Variants in UPF2 observed in about 807,000 individuals in gnomAD.
UPF2 encodes the protein regulator of nonsense transcripts 2.
A neutral mutation model predicts 141.4 loss-of-function variants in UPF2; 17 were observed. The ratio of observed to expected loss-of-function variants is 0.12; its 90% CI spans 0.08 to 0.18. UPF2 has a LOEUF of 0.18. Among genes scored for constraint, UPF2 ranks in the 10% least tolerant of loss-of-function variants. The pLI is 1.00. For missense variants in UPF2, 1,152 were observed against 1,515.9 expected (o/e 0.76, Z 3.99); for synonymous variants, 540 against 498.0 (o/e 1.08, Z -1.12).
chr10:11,933,240 C>T lies in UPF2; in HGVS notation c.3547-1458G>A, dbSNP rs76729082. 4.6e-3 allele frequency among the ~76,000 whole-genome samples: 707 copies of T among 152,142 alleles called. 3 individuals are homozygous for T. Among genetic ancestry groups the T allele is most frequent in the African/African-American group, 0.016 (668 of 41,502 alleles). On this transcript the variant is annotated intron_variant, in intron 19 of 21. Transcript: ENST00000357604. Reference sequence around the variant, plus strand: ...AGACATTTCACATTTGTAGAAAAACCGTTGCACCAGAAGGGCCAACACCCA... The same window carrying T: ...AGACATTTCACATTTGTAGAAAAACTGTTGCACCAGAAGGGCCAACACCCA...
chr10:11,984,497 T>C (rs1314465726), intron 8 of UPF2, among the ~76,000 whole-genome samples: 1 of 152,196 alleles, frequency 6.6e-6, no homozygotes, highest in South Asian at 2.1e-4. Flanking sequence ...TCTTTTTCAA[T>C]GTATTTTTCA....
rs138619259 is a variant in UPF2, at chr10:12,018,486, T to C, written c.1146-4302A>G. On this transcript the variant is annotated intron_variant, in intron 3 of 21. Transcript: ENST00000357604. ...ATCCCAGCTACTCAGGAGGCTGAGG[T>C]AGGAGAATCACTTGAATCCGGGAGG... Among the ~76,000 whole-genome samples, 254 of 151,652 alleles carry C rather than the reference T, an allele frequency of 1.7e-3. 1 individual carries two copies. The highest frequency in any genetic ancestry group is 5.7e-3 in the African/African-American group (235 of 41,304).
intron 13 of UPF2, among the ~76,000 whole-genome samples, chr10:11,955,914 AGGTGATCACCTAC>A (rs1417704359): frequency 6.6e-6 from 1 of 152,272 alleles, no homozygotes; most frequent in African/African-American, 2.4e-5. Context: ...AGGCCAAGAC[AGGTGATCACCTAC>A]GGTCAGGAGT....
chr10:12,023,400 C>T (rs1834350800), intron 3 of UPF2, among the ~76,000 whole-genome samples: 1 of 150,926 alleles, frequency 6.6e-6, no homozygotes, highest in Non-Finnish European at 1.5e-5. Flanking sequence ...TTCGGCTGGG[C>T]ATGGTGGATC....
Position 11,921,196 on chromosome 10 carries a change from C to T in UPF2, c.*102G>A, listed in dbSNP as rs755078541. ...GGTTTAGATTCGCAACTCTCTAGACCGACCTGCTGAGATGTGTCCACTGCT... is the reference window on the plus strand; with the variant it reads ...GGTTTAGATTCGCAACTCTCTAGACTGACCTGCTGAGATGTGTCCACTGCT... On this transcript the variant is annotated 3_prime_UTR_variant, in exon 22 of 22. Transcript: ENST00000357604. This position sits in a 1 kb window ranked among gnomAD's most constrained non-coding sequence, Gnocchi z 5.9. 69 of 1,526,340 alleles carry T rather than the reference C, an allele frequency of 4.5e-5. No homozygotes were observed. Among genetic ancestry groups the T allele is most frequent in the South Asian group, 9.0e-5 (8 of 89,162 alleles). 94.5% of individuals were successfully genotyped at this position (1,526,340 alleles called of 1,614,324 possible).
rs1473386675 is a variant in UPF2, at chr10:11,940,004, G to T, written c.3378+2661C>A. 1.3e-5 allele frequency among the ~76,000 whole-genome samples: 2 copies of T among 152,120 alleles called. No individual in the cohort carries two copies. The highest frequency in any genetic ancestry group is 2.9e-5 in the Non-Finnish European group (2 of 68,022). On this transcript the variant is annotated intron_variant, in intron 18 of 21. Coordinates refer to ENST00000357604, the MANE Select transcript of UPF2 (RefSeq NM_015542.4). The surrounding 1 kb of genome is among the most constrained non-coding windows in gnomAD (Gnocchi z 4.2). ...TGTGATATAATTAGGATTATACTAA[G>T]TTTAAGGGCTTGATTTATGGAAAAA...
rs1295310483 is a variant in UPF2, at chr10:11,948,521, A to G, written c.3035-13T>C. On this transcript the variant is annotated splice_polypyrimidine_tract_variant and intron_variant, in intron 15 of 21. Coordinates refer to ENST00000357604, the MANE Select transcript of UPF2 (RefSeq NM_015542.4). Reference sequence around the variant, plus strand: ...TCATTTACTAGGCCTTGAAATGAGAAGGTGGAAATGGAAAAATACATTAAA... The same window carrying G: ...TCATTTACTAGGCCTTGAAATGAGAGGGTGGAAATGGAAAAATACATTAAA... The G allele has an allele frequency of 6.2e-7, 1 of 1,609,552 alleles. No individual in the cohort carries two copies. Among genetic ancestry groups the G allele is most frequent in the Non-Finnish European group, 8.5e-7 (1 of 1,179,224 alleles).
intron 15 of UPF2, among the ~76,000 whole-genome samples, chr10:11,951,267 T>G (rs1833071468): frequency 6.6e-6 from 1 of 152,154 alleles, no homozygotes; most frequent in African/African-American, 2.4e-5. Flanking sequence ...TTTGCCATGT[T>G]GGCCAGGCTG....
At chr10:11,985,638 A>C (rs1219652811) in intron 8 of UPF2, among the ~76,000 whole-genome samples, 2 of 150,812 alleles carry the variant, frequency 1.3e-5, no homozygotes, top group Non-Finnish European at 3.0e-5. Context: ...AAAAAAAAAC[A>C]AACAAACAAA....
intron 8 of UPF2, 129 bp downstream of exon 8, chr10:11,997,543 C>T: frequency 1.5e-6 from 1 of 668,294 alleles, no homozygotes; most frequent in Non-Finnish European, 2.4e-6. Context: ...AAAAAATATG[C>T]TAATAATGCT....
intron 8 of UPF2, among the ~76,000 whole-genome samples, chr10:11,985,977 C>G (rs1833684949): frequency 7.0e-6 from 1 of 142,144 alleles, no homozygotes; most frequent in African/African-American, 2.7e-5. Flanking sequence ...CTCCGCCTCC[C>G]GGGTTCACGC....
At chr10:11,929,454 T>C (rs4620613) in intron 21 of UPF2, among the ~76,000 whole-genome samples, 35,987 of 151,998 alleles carry the variant, frequency 0.24, 4,533 homozygotes, top group East Asian at 0.47. Context: ...CTACACAATA[T>C]GGCGAGACTC....
chr10:11,923,018 A>G (rs1832665481), intron 21 of UPF2, among the ~76,000 whole-genome samples: 2 of 152,156 alleles, frequency 1.3e-5, no homozygotes, highest in Non-Finnish European at 2.9e-5. Flanking sequence ...TGGGTGACAG[A>G]GCAAGAACCT....
intron 9 of UPF2, among the ~76,000 whole-genome samples, chr10:11,970,311 A>T (rs894560515): frequency 2.0e-5 from 3 of 152,244 alleles, no homozygotes; most frequent in Admixed American, 2.0e-4. Flanking sequence ...AAAATTATAC[A>T]TAAAATATAA....
rs543955777 is a variant in UPF2, at chr10:11,972,387, T to A, written c.1954-4933A>T. ...CCTTGACATAGAAAACTCTCTTTTT[T>A]TTATTATTATTATACTTTAAGTTCT... On this transcript the variant is annotated intron_variant, in intron 9 of 21. Transcript: ENST00000357604. Among the ~76,000 whole-genome samples the A allele has an allele frequency of 1.0e-3, 158 of 152,302 alleles. 1 individual carries two copies. Among genetic ancestry groups the A allele is most frequent in the African/African-American group, 3.5e-3 (145 of 41,568 alleles).
rs1833869386 is a variant in UPF2, at chr10:11,996,644, T to C, written c.1844+1028A>G. Among the ~76,000 whole-genome samples, 4 of 152,246 alleles carry C rather than the reference T, an allele frequency of 2.6e-5. No individual in the cohort carries two copies. The South Asian group carries it at 8.3e-4, about 32-fold the overall frequency. ...CAGGCCTGAGCCACCGCGCCTGGCC[T>C]GAAGTATGTAATTTTACGTTATAAA... On this transcript the variant is annotated intron_variant, in intron 8 of 21. Transcript: ENST00000357604.
chr10:11,954,642 A>AT (rs1564343024), intron 14 of UPF2, among the ~76,000 whole-genome samples: 661 of 53,492 alleles, frequency 0.012, 14 homozygotes, highest in Admixed American at 0.11. Context: ...TCAAAAAAAA[A>AT]AATATATATA....
At chr10:11,969,557 A>T (rs928652915) in intron 9 of UPF2, among the ~76,000 whole-genome samples, 2 of 152,204 alleles carry the variant, frequency 1.3e-5, no homozygotes, top group Non-Finnish European at 2.9e-5. Flanking sequence ...CATTTTTAAT[A>T]TTAAACAAAA....
At chr10:12,015,131 C>A (rs1052316667) in intron 3 of UPF2, among the ~76,000 whole-genome samples, 3 of 152,026 alleles carry the variant, frequency 2.0e-5, no homozygotes, top group African/African-American at 7.2e-5. Context: ...ATTTATAAAC[C>A]ATAATGCAAA....
Sources: gnomAD v4.1 joint callset for allele counts (sites outside exome capture counted in the v4.1 genomes callset) on GRCh38, gnomAD v4.1.1 for gene constraint, Gnocchi (gnomAD v3.1) non-coding constraint, MANE v1.5 for transcripts, NCBI Gene and HGNC (gene_info 2026-07-23, HGNC 2026-07-21) for gene names.